LRRFIP2: variants seen among roughly 807,000 people sequenced by gnomAD.
LRRFIP2 encodes LRR binding FLII interacting protein 2, also known as leucine-rich repeat flightless-interacting protein 2.
LRRFIP2 carries 109 observed loss-of-function variants against 125.9 expected under a neutral mutation model. The observed-to-expected ratio is 0.87, with a 90% confidence interval of 0.74 to 1.01. The LOEUF (loss-of-function observed/expected upper bound fraction) is 1.01. Among genes scored for constraint, LRRFIP2 ranks in the 50% least tolerant of loss-of-function variants. The pLI is 0.00. For synonymous variants in LRRFIP2, 291 were observed against 293.1 expected, an observed-to-expected ratio of 0.99 and a Z score of 0.07; for missense variants, 850 against 862.3, an observed-to-expected ratio of 0.99 and a Z score of 0.18.
chr3:37,072,963 A>C (rs755003547), intron 20 of LRRFIP2, 81 bp from the exon 21 acceptor site: 1 of 875,902 alleles, frequency 1.1e-6, no homozygotes, highest in Non-Finnish European at 1.8e-6. Context: ...AACAAAAATA[A>C]AGCCGATAAA....
intron 1 of LRRFIP2, among the ~76,000 whole-genome samples, chr3:37,165,677 A>G (rs1332346987): frequency 6.6e-6 from 1 of 151,748 alleles, no homozygotes; most frequent in Non-Finnish European, 1.5e-5. Context: ...GCTCGAACCC[A>G]GGAGGTGGTG....
intron 19 of LRRFIP2, among the ~76,000 whole-genome samples, chr3:37,080,100 T>C (rs2092494679): frequency 6.6e-6 from 1 of 152,144 alleles, no homozygotes; most frequent in Non-Finnish European, 1.5e-5. Flanking sequence ...TAAAGCTGCT[T>C]AAAAATAACA....
Position 37,096,579 on chromosome 3 carries a change from GACCTTGAGAATTTCCCTTAGGAA to G in LRRFIP2, c.918+14_918+36del. 8 of 1,330,268 alleles carry G rather than the reference GACCTTGAGAATTTCCCTTAGGAA, an allele frequency of 6.0e-6. No individual in the cohort carries two copies. Among genetic ancestry groups the G allele is most frequent in the Non-Finnish European group, 8.5e-6 (8 of 937,114 alleles). 82.4% of individuals were successfully genotyped at this position (1,330,268 alleles called of 1,614,324 possible). A position where few individuals can be genotyped will look rare whatever the true frequency, so the allele number is the denominator to read the frequency against. On this transcript the variant is annotated intron_variant, in intron 16 of 27. Coordinates refer to ENST00000336686, the MANE Select transcript of LRRFIP2 (RefSeq NM_006309.4). ...CAAGTTACAGATAGCAAGTTTAATT[GACCTTGAGAATTTCCCTTAGGAA>G]TTTACATACTCACTCTTGTATAATT... is the stretch of plus-strand genomic sequence containing the variant.
intron 15 of LRRFIP2, among the ~76,000 whole-genome samples, 171 bp downstream of exon 15, chr3:37,102,753 T>C (rs2094130340): frequency 6.6e-6 from 1 of 152,066 alleles, no homozygotes; most frequent in African/African-American, 2.4e-5. Context: ...CTGCCTGTTC[T>C]GGTCTCTCAA....
intron 1 of LRRFIP2, among the ~76,000 whole-genome samples, chr3:37,154,086 G>A (rs1299551592): frequency 6.6e-6 from 1 of 152,000 alleles, no homozygotes; most frequent in Non-Finnish European, 1.5e-5. Context: ...GAGGTGGGAG[G>A]ACTATGTGAG....
intron 1 of LRRFIP2, 130 bp from the exon 2 acceptor site, chr3:37,149,168 A>G (rs2095940647): frequency 1.6e-6 from 1 of 610,168 alleles, no homozygotes; most frequent in Non-Finnish European, 2.6e-6. Flanking sequence ...ATTCCAATAA[A>G]TTTTAGAATA....
chr3:37,079,042 C>T lies in LRRFIP2; in HGVS notation c.1279-3926G>A, dbSNP rs186666027. Among the ~76,000 whole-genome samples the T allele has an allele frequency of 1.4e-4, 21 of 151,858 alleles. No homozygotes were observed. In the East Asian group the frequency reaches 2.3e-3, roughly 17 times the overall value. ...AACTCATAAAGGGAGAAAATATTTG[C>T]GAATAATATATCTGATAAAATTCTT... On this transcript the variant is annotated intron_variant, in intron 19 of 27. Coordinates refer to ENST00000336686, the MANE Select transcript of LRRFIP2 (RefSeq NM_006309.4).
chr3:37,129,584 G>A (rs2095373819), intron 2 of LRRFIP2, among the ~76,000 whole-genome samples: 1 of 152,118 alleles, frequency 6.6e-6, no homozygotes, highest in Non-Finnish European at 1.5e-5. Flanking sequence ...ACCCATCTCA[G>A]CTTTCTTTAT....
chr3:37,126,557 T>A, intron 4 of LRRFIP2, among the ~76,000 whole-genome samples: 1 of 150,414 alleles, frequency 6.6e-6, no homozygotes. Flanking sequence ...TTCACAGAGG[T>A]TTAAAAAAAA....
chr3:37,135,999 A>G (rs948609042), intron 2 of LRRFIP2, among the ~76,000 whole-genome samples: 2 of 152,256 alleles, frequency 1.3e-5, no homozygotes, highest in African/African-American at 4.8e-5. Context: ...TGTTCATAGC[A>G]GCATTATTGA....
chr3:37,145,519 C>T (rs929093841), intron 2 of LRRFIP2, among the ~76,000 whole-genome samples: 2 of 152,162 alleles, frequency 1.3e-5, no homozygotes, highest in Non-Finnish European at 2.9e-5. Flanking sequence ...CTGTAAGTCT[C>T]CAAAGCCCAC....
chr3:37,105,640 AT>A, intron 13 of LRRFIP2, 117 bp from the exon 14 acceptor site: 1 of 708,028 alleles, frequency 1.4e-6, no homozygotes, highest in Non-Finnish European at 2.5e-6. Flanking sequence ...AAGCAGCATA[AT>A]TGGTATAATA....
chr3:37,115,999 C>T (rs1314340145), intron 6 of LRRFIP2, among the ~76,000 whole-genome samples: 1 of 152,124 alleles, frequency 6.6e-6, no homozygotes, highest in Admixed American at 6.6e-5. Context: ...ATAAAAATAT[C>T]TTTCTTTTCC....
At position 37,102,590 on chromosome 3, in the gene LRRFIP2, C is replaced by T. The variant is rs139393123; in HGVS notation, c.873+334G>A. On this transcript the variant is annotated intron_variant, in intron 15 of 27. Coordinates refer to ENST00000336686, the MANE Select transcript of LRRFIP2 (RefSeq NM_006309.4). ...CTCGGCTCACTGCAACCTCCACCTC[C>T]TAGGTTCAAGCGATATTCCTGCCTC... Among the ~76,000 whole-genome samples, 997 of 149,866 alleles carry T rather than the reference C, an allele frequency of 6.7e-3. 14 individuals carry two copies. The highest frequency in any genetic ancestry group is 0.023 in the African/African-American group (935 of 40,612).
intron 23 of LRRFIP2, chr3:37,064,586 C>CAAAAAAAAAA (rs3067690): frequency 2.0e-5 from 2 of 101,148 alleles, no homozygotes; most frequent in African/African-American, 7.6e-5. Context: ...GACTTCGTCT[C>CAAAAAAAAAA]AAAAAAAAAA....
At chr3:37,055,544 A>AGTG (rs2086588216) in intron 25 of LRRFIP2, among the ~76,000 whole-genome samples, 1 of 152,120 alleles carries the variant, frequency 6.6e-6, no homozygotes. Context: ...CCAGCCTGGC[A>AGTG]ACAGAGCGAT....
chr3:37,062,839 G>T (rs1438522391), intron 24 of LRRFIP2, among the ~76,000 whole-genome samples: 1 of 152,124 alleles, frequency 6.6e-6, no homozygotes, highest in African/African-American at 2.4e-5. Flanking sequence ...GCTACTGGAA[G>T]ATGTACCAAA....
At chr3:37,126,859 C>CA (rs1553769307) in intron 4 of LRRFIP2, among the ~76,000 whole-genome samples, 1,688 of 135,880 alleles carry the variant, frequency 0.012, 33 homozygotes, top group East Asian at 0.076. Flanking sequence ...AACTCCATCT[C>CA]AAAAAAAAAA....
chr3:37,076,686 G>C (rs1197304223), intron 19 of LRRFIP2, among the ~76,000 whole-genome samples: 1 of 152,056 alleles, frequency 6.6e-6, no homozygotes, highest in African/African-American at 2.4e-5. Context: ...GACCAACATA[G>C]AGAAACCCTG....
Sources: allele counts gnomAD v4.1 joint callset (sites outside exome capture counted in the v4.1 genomes callset), GRCh38; gene constraint gnomAD v4.1.1; transcripts MANE v1.5; gene names NCBI Gene and HGNC (gene_info 2026-07-23, HGNC 2026-07-21).